Variants in C8orf34 observed in about 807,000 individuals in gnomAD.
C8orf34 encodes the protein uncharacterized protein C8orf34.
A neutral mutation model predicts 68.3 loss-of-function variants in C8orf34; 65 were observed. The ratio of observed to expected loss-of-function variants is 0.95; its 90% CI spans 0.78 to 1.17. The LOEUF (loss-of-function observed/expected upper bound fraction) is 1.17. Among genes scored for constraint, C8orf34 ranks in the 50% most tolerant of loss-of-function variants. The pLI, the probability that C8orf34 is intolerant of heterozygous loss-of-function variation, is 0.00. For missense variants in C8orf34, 664 were observed against 655.4 expected (o/e 1.01, Z -0.14); for synonymous variants, 244 against 241.2 (o/e 1.01, Z -0.11).
At chr8:68,686,395 C>A (rs1820519401) in intron 8 of C8orf34, among the ~76,000 whole-genome samples, 1 of 152,092 alleles carries the variant, frequency 6.6e-6, no homozygotes, top group East Asian at 1.9e-4. Flanking sequence ...AAAATACCAA[C>A]TAACCAAATC....
chr8:68,817,905 T>C (rs1422344471), intron 13 of C8orf34, among the ~76,000 whole-genome samples: 1 of 152,140 alleles, frequency 6.6e-6, no homozygotes, highest in Non-Finnish European at 1.5e-5. Flanking sequence ...CTCACTATCC[T>C]GAGAACAGCA....
intron 11 of C8orf34, among the ~76,000 whole-genome samples, chr8:68,777,606 C>T (rs1048799575): frequency 6.6e-6 from 1 of 152,108 alleles, no homozygotes; most frequent in Admixed American, 6.5e-5. Flanking sequence ...GGGGCTCAGC[C>T]CAGACCCACA....
chr8:68,741,720 C>G (rs1291534426), intron 10 of C8orf34, among the ~76,000 whole-genome samples: 1 of 152,046 alleles, frequency 6.6e-6, no homozygotes, highest in South Asian at 2.1e-4. Context: ...GAGAACATGC[C>G]AAGTTTGTCT....
intron 1 of C8orf34, among the ~76,000 whole-genome samples, chr8:68,351,566 G>A (rs1195621401): frequency 6.6e-6 from 1 of 151,970 alleles, no homozygotes; most frequent in African/African-American, 2.4e-5. Flanking sequence ...AAAATTGCTT[G>A]TTTTCTCTCC....
chr8:68,716,716 C>T (rs1821483131), intron 9 of C8orf34, among the ~76,000 whole-genome samples: 1 of 151,848 alleles, frequency 6.6e-6, no homozygotes, highest in Admixed American at 6.5e-5. Flanking sequence ...AAAAGTTTTC[C>T]ATTATCTTAA....
At chr8:68,585,651 G>A (rs2130385215) in intron 7 of C8orf34, among the ~76,000 whole-genome samples, 1 of 152,230 alleles carries the variant, frequency 6.6e-6, no homozygotes, top group African/African-American at 2.4e-5. Flanking sequence ...TGAGTTTGCA[G>A]TCAGTGGGTC....
chr8:68,640,280 T>C lies in C8orf34; in HGVS notation c.1106-96T>C, dbSNP rs376594018. 6 of 1,162,450 alleles carry C rather than the reference T, an allele frequency of 5.2e-6. No homozygotes were observed. The African/African-American group carries it at 9.2e-5, about 18-fold the overall frequency. 72.0% of individuals were successfully genotyped at this position (1,162,450 alleles called of 1,614,324 possible). On this transcript the variant is annotated intron_variant, in intron 7 of 13. Coordinates refer to ENST00000518698, the MANE Select transcript of C8orf34 (RefSeq NM_052958.4). Reference sequence around the variant, plus strand: ...GCAAAGGGGATATATATTGTTTTGCTTAACAAACTAATGGCAGATACCTGA... The same window carrying C: ...GCAAAGGGGATATATATTGTTTTGCCTAACAAACTAATGGCAGATACCTGA...
chr8:68,409,324 G>A (rs1809343505), intron 1 of C8orf34, among the ~76,000 whole-genome samples: 1 of 152,168 alleles, frequency 6.6e-6, no homozygotes, highest in Non-Finnish European at 1.5e-5. Context: ...CCCCATGTAT[G>A]TTATTGCCCC....
intron 1 of C8orf34, among the ~76,000 whole-genome samples, chr8:68,423,622 TG>T (rs1437278552): frequency 2.6e-5 from 4 of 152,186 alleles, no homozygotes; most frequent in South Asian, 2.1e-4. Flanking sequence ...AACCTCTGCC[TG>T]TTACCCAATT....
chr8:68,638,387 A>T (rs918271909), intron 7 of C8orf34, among the ~76,000 whole-genome samples: 2 of 149,976 alleles, frequency 1.3e-5, no homozygotes, highest in African/African-American at 4.9e-5. Context: ...TACTCTAGAG[A>T]TTTATTCTCT....
Position 68,803,655 on chromosome 8 carries a change from A to T in C8orf34, c.1550-12231A>T, listed in dbSNP as rs575094505. Among the ~76,000 whole-genome samples, 4 of 152,244 alleles carry T rather than the reference A, an allele frequency of 2.6e-5. No homozygotes were observed. The South Asian group carries it at 8.3e-4, about 32-fold the overall frequency. Reference sequence around the variant, plus strand: ...TCTACGATAATCAGGAAAAATCTAAACAATTGTTTTTAAATATGCTTTGAT... The same window carrying T: ...TCTACGATAATCAGGAAAAATCTAATCAATTGTTTTTAAATATGCTTTGAT... On this transcript the variant is annotated intron_variant, in intron 12 of 13. Transcript: ENST00000518698.
intron 8 of C8orf34, among the ~76,000 whole-genome samples, chr8:68,674,189 G>T (rs1820107593): frequency 6.6e-6 from 1 of 151,690 alleles, no homozygotes; most frequent in South Asian, 2.1e-4. Context: ...ATACAAACAA[G>T]CCCAGACCGT....
chr8:68,626,934 C>T (rs1280706912), intron 7 of C8orf34, among the ~76,000 whole-genome samples: 1 of 151,998 alleles, frequency 6.6e-6, no homozygotes, highest in Non-Finnish European at 1.5e-5. Context: ...TGACTTAACT[C>T]TCAAGAAATA....
chr8:68,605,406 C>G (rs1489732765), intron 7 of C8orf34, among the ~76,000 whole-genome samples: 6 of 152,132 alleles, frequency 3.9e-5, no homozygotes, highest in Non-Finnish European at 5.9e-5. Flanking sequence ...AAAACCTGCA[C>G]ATGGATGTTT....
intron 5 of C8orf34, among the ~76,000 whole-genome samples, chr8:68,509,169 C>T (rs1445357588): frequency 2.6e-5 from 4 of 152,102 alleles, no homozygotes; most frequent in Non-Finnish European, 5.9e-5. Flanking sequence ...ACAGGGGGCA[C>T]TGTGTTGGGG....
chr8:68,590,924 GGA>G (rs1817369688), intron 7 of C8orf34, among the ~76,000 whole-genome samples: 1 of 152,112 alleles, frequency 6.6e-6, no homozygotes, highest in Non-Finnish European at 1.5e-5. Flanking sequence ...ATATCGTGGG[GGA>G]GCTCTCCTTG....
intron 7 of C8orf34, among the ~76,000 whole-genome samples, chr8:68,629,545 G>T (rs866436127): frequency 7.2e-5 from 11 of 152,056 alleles, no homozygotes; most frequent in Middle Eastern, 3.2e-3. Context: ...CATTCCAAAA[G>T]TCAATCCTAT....
At chr8:68,499,142 A>C (rs947768245) in intron 5 of C8orf34, among the ~76,000 whole-genome samples, 2 of 152,118 alleles carry the variant, frequency 1.3e-5, no homozygotes, top group African/African-American at 4.8e-5. Flanking sequence ...TGTGTGACTA[A>C]TGCTTAGCTC....
intron 1 of C8orf34, among the ~76,000 whole-genome samples, chr8:68,399,146 T>G (rs147655066): frequency 6.6e-6 from 1 of 152,224 alleles, no homozygotes; most frequent in East Asian, 1.9e-4. Context: ...TAGTGAAAAT[T>G]TATTTATTTA....
Sources: gnomAD v4.1 joint callset for allele counts (sites outside exome capture counted in the v4.1 genomes callset) on GRCh38, gnomAD v4.1.1 for gene constraint, MANE v1.5 for transcripts, NCBI Gene and HGNC (gene_info 2026-07-23, HGNC 2026-07-21) for gene names.